PFKP: variants seen among roughly 807,000 people sequenced by gnomAD.
PFKP encodes the protein phosphofructokinase, platelet.
A neutral mutation model predicts 94.3 loss-of-function variants in PFKP; 101 were observed. The ratio of observed to expected loss-of-function variants is 1.07; its 90% CI spans 0.91 to 1.26. PFKP has a LOEUF of 1.26. Ranked by LOEUF, PFKP falls within the 50% of genes most tolerant of loss-of-function variation. The probability of loss-of-function intolerance (pLI) is 0.00; values close to 1 mark genes in which losing one functional copy is unlikely to be tolerated. For missense variants in PFKP, 1,145 were observed against 1,103.3 expected, an observed-to-expected ratio of 1.04 and a Z score of -0.53; for synonymous variants, 573 against 432.6, an observed-to-expected ratio of 1.32 and a Z score of -4.03.
chr10:3,124,842 A>AC (rs5782685), intron 16 of PFKP, among the ~76,000 whole-genome samples: 45,697 of 151,878 alleles, frequency 0.3, 7,544 homozygotes, highest in African/African-American at 0.45. Flanking sequence ...CCTGCCTCAC[A>AC]CCACCCCGCT....
chr10:3,081,776 A>G (rs1400808163), intron 1 of PFKP, among the ~76,000 whole-genome samples: 1 of 1,332 alleles, frequency 7.5e-4, no homozygotes, highest in South Asian at 0.25. Context: ...TACATTGTAA[A>G]TAGACATGAT....
At chr10:3,071,445 T>TTTTG (rs1832186592) in intron 1 of PFKP, among the ~76,000 whole-genome samples, 3 of 138,688 alleles carry the variant, frequency 2.2e-5, no homozygotes, top group African/African-American at 7.6e-5. Context: ...TTTTTTTTTT[T>TTTTG]TTTTCTTTCT....
intron 16 of PFKP, among the ~76,000 whole-genome samples, chr10:3,127,324 C>A (rs921937506): frequency 6.6e-6 from 1 of 152,242 alleles, no homozygotes; most frequent in African/African-American, 2.4e-5. Context: ...GGCAGCCTGG[C>A]GGGACCAGAA....
chr10:3,084,288 C>T (rs535232951), intron 2 of PFKP, among the ~76,000 whole-genome samples: 5 of 152,162 alleles, frequency 3.3e-5, no homozygotes, highest in Non-Finnish European at 5.9e-5. Flanking sequence ...TGCTGTGTGC[C>T]GCTGTGTGCG....
chr10:3,121,906 C>T (rs1185676365), intron 16 of PFKP, among the ~76,000 whole-genome samples: 1 of 144,912 alleles, frequency 6.9e-6, no homozygotes, highest in Non-Finnish European at 1.5e-5. Context: ...ACTGCAGCCT[C>T]GACCTCCCAG....
At chr10:3,069,060 C>T (rs1831972046) in intron 1 of PFKP, among the ~76,000 whole-genome samples, 1 of 151,426 alleles carries the variant, frequency 6.6e-6, no homozygotes, top group African/African-American at 2.4e-5. Context: ...ACGTGATGCC[C>T]GGCCCGTCGT....
At chr10:3,119,386 A>G (rs1472985092) in intron 15 of PFKP, among the ~76,000 whole-genome samples, 3 of 152,138 alleles carry the variant, frequency 2.0e-5, no homozygotes, top group African/African-American at 7.2e-5. Flanking sequence ...CGGGCAGATC[A>G]CCTGAGGTCA....
chr10:3,132,678 C>T (rs759095437), intron 18 of PFKP, among the ~76,000 whole-genome samples: 1 of 152,116 alleles, frequency 6.6e-6, no homozygotes, highest in East Asian at 1.9e-4. Context: ...CAATCATTTC[C>T]CTAATTAGCA....
chr10:3,126,652 C>G (rs530001440), intron 16 of PFKP, among the ~76,000 whole-genome samples: 1 of 152,376 alleles, frequency 6.6e-6, no homozygotes, highest in East Asian at 1.9e-4. Context: ...CCTGCAGATT[C>G]ACAGAGCAAG....
intron 16 of PFKP, among the ~76,000 whole-genome samples, chr10:3,124,085 C>G (rs1837694191): frequency 6.6e-6 from 1 of 152,162 alleles, no homozygotes; most frequent in South Asian, 2.1e-4. Flanking sequence ...CCTCGGCCCA[C>G]ACGGGCTCCA....
rs142246689 is a variant in PFKP at position 3,116,803 on chromosome 10, G to A, written c.1399G>A (p.Gly467Arg). 8.7e-6 allele frequency: 14 copies of A among 1,613,474 alleles called. No homozygotes were observed. Among genetic ancestry groups the A allele is most frequent in the African/African-American group, 2.7e-5 (2 of 74,906 alleles). The change falls in exon 14 of 22, where the codon GGG (glycine) becomes AGG (arginine). Residue 467 changes from glycine (G) to arginine (R), a missense_variant. Gly to Arg is a moderately radical substitution (Grantham distance 125). This residue lies in a region of PFKP where 1,119 missense variants were observed against 1,062.8 expected (regional missense o/e 1.05). Transcript: ENST00000381125. ...QIKEIGWTDV[G>R]GWTGQGGSIL... ...CAAAGAAATCGGCTGGACAGATGTC[G>A]GGGGCTGGACCGGCCAAGGAGGCTC...
At chr10:3,092,733 C>T (rs958259476) in intron 2 of PFKP, among the ~76,000 whole-genome samples, 1 of 152,208 alleles carries the variant, frequency 6.6e-6, no homozygotes, top group African/African-American at 2.4e-5. Context: ...CTTCATTCTT[C>T]ATTAGCCATA....
chr10:3,080,531 AAAAAAAAAAG>A (rs1221552060), intron 1 of PFKP, among the ~76,000 whole-genome samples: 3 of 150,818 alleles, frequency 2.0e-5, no homozygotes, highest in Non-Finnish European at 4.4e-5. Flanking sequence ...AAAAAAAAAA[AAAAAAAAAAG>A]AGAATATTGA....
chr10:3,093,737 A>G (rs538661395), intron 2 of PFKP, among the ~76,000 whole-genome samples: 48 of 134,040 alleles, frequency 3.6e-4, no homozygotes, highest in East Asian at 3.5e-3. Flanking sequence ...TCCGCCTCCC[A>G]GGTTCACGCC....
chr10:3,097,299 G>C (rs981041714), intron 2 of PFKP, among the ~76,000 whole-genome samples: 1 of 151,972 alleles, frequency 6.6e-6, no homozygotes, highest in Non-Finnish European at 1.5e-5. Context: ...AGCATCCGCA[G>C]CAGGACAGAA....
At chr10:3,112,728 C>A (rs566183685) in intron 11 of PFKP, among the ~76,000 whole-genome samples, 7 of 152,280 alleles carry the variant, frequency 4.6e-5, no homozygotes, top group African/African-American at 1.4e-4. Flanking sequence ...TCACCACATC[C>A]AGCTAATTTT....
At position 3,094,988 on chromosome 10, in the gene PFKP, T is replaced by G. The variant is rs571142159; in HGVS notation, c.187-4287T>G. Among the ~76,000 whole-genome samples the G allele has an allele frequency of 5.7e-4, 87 of 152,204 alleles. 1 individual carries two copies. Among genetic ancestry groups the G allele is most frequent in the Non-Finnish European group, 1.0e-3 (71 of 68,032 alleles). On this transcript the variant is annotated intron_variant, in intron 2 of 21. Coordinates refer to ENST00000381125, the MANE Select transcript of PFKP (RefSeq NM_002627.5). ...TGATAACACTATCTGGAAGGCACTT[T>G]TAAAGTCTGTTATCTCTAGGAGCTT...
intron 11 of PFKP, 110 bp downstream of exon 11, chr10:3,112,396 CAG>C (rs1564320974): frequency 3.6e-6 from 3 of 834,286 alleles, no homozygotes; most frequent in African/African-American, 1.7e-5. Flanking sequence ...TGTGAAAAAT[CAG>C]AAAGTCAGGC....
intron 1 of PFKP, among the ~76,000 whole-genome samples, chr10:3,078,473 AG>A (rs1363559550): frequency 6.6e-6 from 1 of 152,194 alleles, no homozygotes; most frequent in Admixed American, 6.5e-5. Context: ...AGAAGTTCAG[AG>A]GGAGGGCTTA....
Sources: allele counts gnomAD v4.1 joint callset (sites outside exome capture counted in the v4.1 genomes callset), GRCh38; gene constraint gnomAD v4.1.1; regional missense constraint gnomAD v4.1.1; transcripts MANE v1.5; gene names NCBI Gene and HGNC (gene_info 2026-07-23, HGNC 2026-07-21).